ZNF451: variants seen among roughly 807,000 people sequenced by gnomAD.
The protein encoded by ZNF451 is E3 SUMO-protein ligase ZNF451.
A neutral mutation model predicts 107.1 loss-of-function variants in ZNF451; 80 were observed. The ratio of observed to expected loss-of-function variants is 0.75; its 90% CI spans 0.62 to 0.90. The LOEUF is 0.90. Among genes scored for constraint, ZNF451 ranks in the 40% least tolerant of loss-of-function variants. The probability of loss-of-function intolerance (pLI) is 0.00; values close to 1 mark genes in which losing one functional copy is unlikely to be tolerated. For synonymous variants in ZNF451, 362 were observed against 406.5 expected (o/e 0.89, Z 1.32); for missense variants, 1,107 against 1,236.2 (o/e 0.90, Z 1.57).
intron 13 of ZNF451, chr6:57,154,413 T>C: frequency 2.6e-6 from 1 of 389,578 alleles, no homozygotes; most frequent in Non-Finnish European, 4.5e-6. Context: ...TAGAAAGCAG[T>C]GCGCTTAGAG....
intron 3 of ZNF451, among the ~76,000 whole-genome samples, chr6:57,118,698 G>A (rs1414727124): frequency 6.6e-6 from 1 of 151,776 alleles, no homozygotes; most frequent in East Asian, 1.9e-4. Flanking sequence ...TAGCTGGGCT[G>A]GTCTCCAACT....
rs916118038 is a variant in ZNF451 at position 57,102,727 on chromosome 6, G to A, written c.186+3586G>A. 5.2e-5 allele frequency: 51 copies of A among 985,308 alleles called. No individual in the cohort carries two copies. In the African/African-American group the frequency reaches 8.7e-4, roughly 17 times the overall value. The allele number at this position is 985,308 out of a possible 1,614,324, so 61.0% of individuals were successfully genotyped here. A position where few individuals can be genotyped will look rare whatever the true frequency, so the allele number is the denominator to read the frequency against. ...AATCAAATTTTGCCAAATCCAGTTT[G>A]CTTCCCCTTGGAATGGCTAGATGTC... On this transcript the variant is annotated intron_variant, in intron 3 of 14. Coordinates refer to ENST00000370706, the MANE Select transcript of ZNF451 (RefSeq NM_001031623.3).
intron 3 of ZNF451, among the ~76,000 whole-genome samples, chr6:57,111,375 T>G: frequency 6.6e-6 from 1 of 151,822 alleles, no homozygotes; most frequent in Non-Finnish European, 1.5e-5. Flanking sequence ...TTTTTTGTTT[T>G]TTTTTTTTTG....
At chr6:57,168,071 A>C (rs1298716380) in intron 14 of ZNF451, among the ~76,000 whole-genome samples, 1 of 152,138 alleles carries the variant, frequency 6.6e-6, no homozygotes, top group African/African-American at 2.4e-5. Flanking sequence ...AAAGTCTTAT[A>C]TGTATCACCT....
intron 7 of ZNF451, among the ~76,000 whole-genome samples, chr6:57,136,172 G>T (rs952877888): frequency 6.6e-6 from 1 of 151,964 alleles, no homozygotes; most frequent in African/African-American, 2.4e-5. Flanking sequence ...GTAGTCTTGG[G>T]GATTCCTAAC....
chr6:57,155,501 A>G (rs1763377271), intron 13 of ZNF451, among the ~76,000 whole-genome samples: 1 of 152,178 alleles, frequency 6.6e-6, no homozygotes, highest in Non-Finnish European at 1.5e-5. Context: ...CAAAAAGCAA[A>G]ACACCTCTTC....
At chr6:57,163,551 C>T (rs557495555) in intron 14 of ZNF451, among the ~76,000 whole-genome samples, 2 of 143,406 alleles carry the variant, frequency 1.4e-5, no homozygotes, top group East Asian at 4.0e-4. Context: ...CCCGGGTTCA[C>T]GCCATTCTCC....
At chr6:57,136,935 G>A (rs1831458092) in intron 7 of ZNF451, among the ~76,000 whole-genome samples, 1 of 152,084 alleles carries the variant, frequency 6.6e-6, no homozygotes, top group Non-Finnish European at 1.5e-5. Context: ...CATAGAAAGG[G>A]CAAAGGCTTT....
At chr6:57,107,757 G>A (rs1829933414) in intron 3 of ZNF451, 1 of 985,124 alleles carries the variant, frequency 1.0e-6, no homozygotes, top group African/African-American at 1.7e-5. Flanking sequence ...GGACTTTGGA[G>A]ATCTCTCAAG....
chr6:57,148,500 G>A lies in ZNF451; in HGVS notation c.2415G>A (p.Gln805=), dbSNP rs1278846390. The A allele has an allele frequency of 6.8e-6, 11 of 1,614,138 alleles. No individual in the cohort carries two copies. The highest frequency in any genetic ancestry group is 9.3e-6 in the Non-Finnish European group (11 of 1,179,992). ...TKAFHDPESA[Q]QHFHRKHCFL... is the part of the protein sequence containing the mutation. ...CATTTCATGATCCTGAGAGTGCACA[G>A]CAGCATTTCCATAGAAAACATTGCT... The change falls in exon 10 of 15, where the codon CAG becomes CAA. Residue 805 remains glutamine (Q), a synonymous_variant. Coordinates refer to ENST00000370706, the MANE Select transcript of ZNF451 (RefSeq NM_001031623.3).
At chr6:57,107,501 A>G (rs1323184283) in intron 3 of ZNF451, 2 of 984,850 alleles carry the variant, frequency 2.0e-6, no homozygotes, top group Non-Finnish European at 2.4e-6. Context: ...GTATTTTCTC[A>G]TTTCTACATG....
Position 57,090,282 on chromosome 6 carries a change from G to A in ZNF451, c.21+8G>A, listed in dbSNP as rs1828998820. On this transcript the variant is annotated splice_region_variant and intron_variant, in intron 1 of 14. Coordinates refer to ENST00000370706, the MANE Select transcript of ZNF451 (RefSeq NM_001031623.3). ...GGAGACCCGGGGTCGGAGGTGAGTA[G>A]TCGAGTGAGGGTCCTGGCGTTCTCA... is the stretch of plus-strand genomic sequence containing the variant. 2 of 1,610,926 alleles carry A rather than the reference G, an allele frequency of 1.2e-6. No homozygotes were observed. The highest frequency in any genetic ancestry group is 1.7e-6 in the Non-Finnish European group (2 of 1,179,420).
At chr6:57,135,720 A>T (rs1051623812) in intron 7 of ZNF451, among the ~76,000 whole-genome samples, 2 of 152,176 alleles carry the variant, frequency 1.3e-5, no homozygotes, top group African/African-American at 4.8e-5. Context: ...TTAATTTAAT[A>T]AATTTCCCAT....
At chr6:57,101,314 T>C (rs1215433398) in intron 3 of ZNF451, 1 of 1,550,610 alleles carries the variant, frequency 6.4e-7, no homozygotes, top group Admixed American at 2.0e-5. Context: ...GGTTCCTCCA[T>C]TGCATCCTCT....
At chr6:57,137,932 TC>T (rs1259329669) in intron 7 of ZNF451, among the ~76,000 whole-genome samples, 1 of 152,230 alleles carries the variant, frequency 6.6e-6, no homozygotes, top group Non-Finnish European at 1.5e-5. Context: ...TATCAGTACT[TC>T]ATTTCTTTTC....
chr6:57,146,970 A>C (rs1832095462), intron 9 of ZNF451, 120 bp from the exon 10 acceptor site: 1 of 857,596 alleles, frequency 1.2e-6, no homozygotes, highest in South Asian at 2.1e-5. Context: ...CTTTATTGAA[A>C]AGTATCTTTT....
chr6:57,147,100 C>T lies in ZNF451; in HGVS notation c.1015C>T (p.Arg339Ter), dbSNP rs769931045. 4.4e-6 allele frequency: 7 copies of T among 1,599,768 alleles called. No individual in the cohort carries two copies. Among genetic ancestry groups the T allele is most frequent in the East Asian group, 2.2e-5 (1 of 44,614 alleles). The change falls in exon 10 of 15, where the codon CGA becomes TGA. Residue 339 changes from arginine (R) to a stop codon, truncating the protein, a stop_gained. Coordinates refer to ENST00000370706, the MANE Select transcript of ZNF451 (RefSeq NM_001031623.3). LOFTEE classifies it high-confidence loss of function. ...ELTAHFRVHC[R>*]NAGPVAVAEK... The stretch of plus-strand genomic sequence containing the variant: ...TTTTATCTAATTTAGAGTTCATTGT[C>T]GAAATGCTGGACCTGTAGCTGTAGC...
At chr6:57,138,672 TC>T (rs1222119918) in intron 7 of ZNF451, among the ~76,000 whole-genome samples, 1 of 144,204 alleles carries the variant, frequency 6.9e-6, no homozygotes, top group African/African-American at 2.5e-5. Flanking sequence ...CCATTCCTTT[TC>T]CCAGTTTGTA....
chr6:57,095,326 CTTTTTTTTTT>C (rs764972958), intron 2 of ZNF451, among the ~76,000 whole-genome samples: 1 of 107,806 alleles, frequency 9.3e-6, no homozygotes, highest in African/African-American at 3.5e-5. Context: ...TTCTGTGATA[CTTTTTTTTTT>C]TTTTTTTTTT....
Sources: allele counts gnomAD v4.1 joint callset (sites outside exome capture counted in the v4.1 genomes callset), GRCh38; gene constraint gnomAD v4.1.1; transcripts MANE v1.5; gene names NCBI Gene and HGNC (gene_info 2026-07-23, HGNC 2026-07-21).